RBFOX1: variants seen among roughly 807,000 people sequenced by gnomAD.
RBFOX1 encodes the protein RNA binding fox-1 homolog 1, also known as RNA binding protein fox-1 homolog 1.
RBFOX1 carries 8 observed loss-of-function variants against 57.7 expected under a neutral mutation model. The observed-to-expected ratio is 0.14, with a 90% CI of 0.08 to 0.25. RBFOX1 has a LOEUF of 0.25. Among genes scored for constraint, RBFOX1 ranks in the 10% least tolerant of loss-of-function variants. The pLI, the probability that RBFOX1 is intolerant of heterozygous loss-of-function variation, is 1.00. For synonymous variants in RBFOX1, 326 were observed against 222.4 expected (o/e 1.47, Z -4.15); for missense variants, 611 against 548.5 (o/e 1.11, Z -1.14).
At chr16:7,149,044 A>G (rs545942126) in intron 4 of RBFOX1, among the ~76,000 whole-genome samples, 69 of 152,282 alleles carry the variant, frequency 4.5e-4, no homozygotes, top group Non-Finnish European at 6.3e-4. Flanking sequence ...TGGTCTACCA[A>G]TTCTGCCCTT....
chr16:7,511,471 A>G (rs2075067243), intron 4 of RBFOX1, among the ~76,000 whole-genome samples: 1 of 152,224 alleles, frequency 6.6e-6, no homozygotes, highest in South Asian at 2.1e-4. Context: ...GACCAAAGAA[A>G]TTCTCTGAGC....
intron 3 of RBFOX1, among the ~76,000 whole-genome samples, chr16:6,840,277 C>G (rs1442565337): frequency 6.6e-6 from 1 of 152,148 alleles, no homozygotes; most frequent in East Asian, 1.9e-4. Flanking sequence ...ACTGAAAGAC[C>G]TTCCGAAAAA....
rs1567282011 is a variant in RBFOX1, at chr16:7,106,984, A to ACACACACAC, written c.27+54886_27+54887insCACACACAC. Among the ~76,000 whole-genome samples, 466 of 148,632 alleles carry ACACACACAC rather than the reference A, an allele frequency of 3.1e-3. 5 individuals are homozygous for ACACACACAC. In the Middle Eastern group the frequency reaches 0.032, roughly 10 times the overall value. On this transcript the variant is annotated intron_variant, in intron 4 of 15. Transcript: ENST00000550418. ...ATTCCCATGTAAGCCACACAGTTAA[A>ACACACACAC]ACACACACACACACACACACACACT... is the stretch of plus-strand genomic sequence containing the variant.
chr16:6,230,148 T>A (rs760456762), intron 1 of RBFOX1, among the ~76,000 whole-genome samples: 6 of 152,206 alleles, frequency 3.9e-5, no homozygotes, highest in Non-Finnish European at 7.3e-5. Context: ...CAAATAGCTT[T>A]TCCCTTTGCA....
At chr16:7,710,214 T>C (rs2083764250) in intron 15 of RBFOX1, 1 of 1,038,898 alleles carries the variant, frequency 9.6e-7, no homozygotes, top group East Asian at 1.0e-4. Flanking sequence ...TTCATCCCAA[T>C]TCTGCATTCA....
intron 3 of RBFOX1, among the ~76,000 whole-genome samples, chr16:6,742,999 T>C (rs2072655829): frequency 6.6e-6 from 1 of 152,206 alleles, no homozygotes; most frequent in African/African-American, 2.4e-5. Context: ...CAATATGATA[T>C]TATAGTTGCA....
chr16:5,252,851 A>C (rs2062487644), intron 1 of RBFOX1, among the ~76,000 whole-genome samples: 1 of 152,168 alleles, frequency 6.6e-6, no homozygotes, highest in Admixed American at 6.5e-5. Flanking sequence ...CCCTTCCAGA[A>C]AACCCAGGCA....
chr16:7,029,887 A>G (rs573598418), intron 3 of RBFOX1, among the ~76,000 whole-genome samples: 293 of 152,318 alleles, frequency 1.9e-3, no homozygotes, highest in Non-Finnish European at 3.0e-3. Flanking sequence ...GGGAATAATG[A>G]AGACCCAGCA....
At chr16:5,320,618 C>G (rs1364344587) in intron 1 of RBFOX1, among the ~76,000 whole-genome samples, 1 of 152,232 alleles carries the variant, frequency 6.6e-6, no homozygotes, top group Admixed American at 6.5e-5. Context: ...TCCTAACATG[C>G]TTTTGTTCTG....
intron 4 of RBFOX1, among the ~76,000 whole-genome samples, chr16:7,083,345 C>T (rs546784319): frequency 1.3e-5 from 2 of 152,096 alleles, no homozygotes; most frequent in African/African-American, 2.4e-5. Flanking sequence ...TCATTCCTTG[C>T]AGAGGGACCA....
At chr16:6,119,769 G>C (rs868787692) in intron 1 of RBFOX1, among the ~76,000 whole-genome samples, 1 of 152,160 alleles carries the variant, frequency 6.6e-6, no homozygotes, top group South Asian at 2.1e-4. Context: ...TGAAACACTA[G>C]GAGTAGAGGC....
intron 1 of RBFOX1, among the ~76,000 whole-genome samples, chr16:5,346,634 T>C (rs1001856477): frequency 6.6e-6 from 1 of 152,204 alleles, no homozygotes; most frequent in African/African-American, 2.4e-5. Flanking sequence ...CTCCTGGGAA[T>C]TTTCAGTGCA....
intron 2 of RBFOX1, among the ~76,000 whole-genome samples, chr16:6,636,694 TTTGA>T (rs1195649504): frequency 6.7e-6 from 1 of 148,172 alleles, no homozygotes; most frequent in African/African-American, 2.5e-5. Context: ...TTATATTCTA[TTTGA>T]TTGTGTGAAT....
intron 1 of RBFOX1, among the ~76,000 whole-genome samples, chr16:5,343,025 A>C (rs186616358): frequency 6.6e-6 from 1 of 152,296 alleles, no homozygotes; most frequent in East Asian, 1.9e-4. Flanking sequence ...AGTCAATGGC[A>C]TTCCATTACC....
At chr16:5,590,262 A>C (rs764017984) in intron 2 of RBFOX1, among the ~76,000 whole-genome samples, 1 of 152,176 alleles carries the variant, frequency 6.6e-6, no homozygotes, top group Non-Finnish European at 1.5e-5. Flanking sequence ...GGGAAAAAAA[A>C]CCGAGCTCAC....
chr16:6,732,381 C>T (rs1448980872), intron 3 of RBFOX1, among the ~76,000 whole-genome samples: 2 of 152,224 alleles, frequency 1.3e-5, no homozygotes, highest in Non-Finnish European at 2.9e-5. Flanking sequence ...TGCTGGGAAT[C>T]AGCTTCCCCA....
Position 7,518,351 on chromosome 16 carries a change from G to A in RBFOX1, c.232G>A (p.Ala78Thr). 6.2e-7 allele frequency: 1 copy of A among 1,613,356 alleles called. No homozygotes were observed. Among genetic ancestry groups the A allele is most frequent in the Non-Finnish European group, 8.5e-7 (1 of 1,179,618 alleles). ...CCAGACGCACTCCGAGCAGAGCCCG[G>A]CGGACACGAGCGCTCAGACCGTCTC... The part of the protein sequence containing the change: ...PAQTHSEQSP[A>T]DTSAQTVSGT... Residue 78 changes from alanine (A) to threonine (T), a missense_variant, in exon 5 of 16, where the codon GCG becomes ACG. This residue lies in a region of RBFOX1 where 245 missense variants were observed against 159.1 expected (regional missense o/e 1.54). Coordinates refer to ENST00000550418, the MANE Select transcript of RBFOX1 (RefSeq NM_018723.4).
At chr16:7,283,080 T>C (rs1045446072) in intron 4 of RBFOX1, among the ~76,000 whole-genome samples, 2 of 152,202 alleles carry the variant, frequency 1.3e-5, no homozygotes, top group African/African-American at 4.8e-5. Context: ...GGTATCTTTT[T>C]TGTATAACGA....
chr16:7,469,366 C>T (rs549685378), intron 4 of RBFOX1, among the ~76,000 whole-genome samples: 1 of 152,134 alleles, frequency 6.6e-6, no homozygotes, highest in African/African-American at 2.4e-5. Flanking sequence ...CTGGCCCCAG[C>T]CTGAGTGATT....
Sources: gnomAD v4.1 joint callset for allele counts (sites outside exome capture counted in the v4.1 genomes callset) on GRCh38, gnomAD v4.1.1 for gene constraint, gnomAD v4.1.1 regional missense constraint, MANE v1.5 for transcripts, NCBI Gene and HGNC (gene_info 2026-07-23, HGNC 2026-07-21) for gene names.